GCN1: variants seen among roughly 807,000 people sequenced by gnomAD.
GCN1 encodes the protein stalled ribosome sensor GCN1.
A neutral mutation model predicts 288.4 loss-of-function variants in GCN1; 90 were observed. That is an observed-to-expected ratio of 0.31 (90% CI 0.26 to 0.37). GCN1 has a LOEUF of 0.37. Ranked by LOEUF, GCN1 falls within the 10% of genes least tolerant of loss-of-function variation. GCN1 has a pLI of 1.00. For missense variants in GCN1, 2,586 were observed against 3,419.9 expected (o/e 0.76, Z 6.08); for synonymous variants, 1,386 against 1,420.2 (o/e 0.98, Z 0.54).
intron 44 of GCN1, among the ~76,000 whole-genome samples, chr12:120,141,534 G>A (rs1489851642): frequency 6.6e-5 from 10 of 152,116 alleles, no homozygotes; most frequent in Non-Finnish European, 1.3e-4. Context: ...CCTCCTCCAG[G>A]CCCACTGATC....
In GCN1 at chr12:120,155,067, T is replaced by C. The variant is rs1445341311; in HGVS notation, c.3631-27A>G. 1.2e-6 allele frequency: 2 copies of C among 1,601,948 alleles called. No homozygotes were observed. The highest frequency in any genetic ancestry group is 1.7e-4 in the Middle Eastern group (1 of 6,046). Reference sequence around the variant, plus strand: ...TGCAACAGACAAGTTGGTAAATGCTTTGCAACGGGCAGATCAATGACCTGG... The same window carrying C: ...TGCAACAGACAAGTTGGTAAATGCTCTGCAACGGGCAGATCAATGACCTGG... On this transcript the variant is annotated intron_variant, in intron 30 of 57. Coordinates refer to ENST00000300648, the MANE Select transcript of GCN1 (RefSeq NM_006836.2). This position sits in a 1 kb window ranked among gnomAD's most constrained non-coding sequence, Gnocchi z 4.9.
intron 1 of GCN1, among the ~76,000 whole-genome samples, chr12:120,190,646 C>G (rs1452068160): frequency 6.6e-6 from 1 of 152,098 alleles, no homozygotes; most frequent in Admixed American, 6.6e-5. Context: ...GTGACATTGT[C>G]AAATGTCTCC....
chr12:120,180,364 C>T (rs1470364646), intron 5 of GCN1, among the ~76,000 whole-genome samples: 1 of 152,054 alleles, frequency 6.6e-6, no homozygotes, highest in Non-Finnish European at 1.5e-5. Flanking sequence ...CGCCTGTAAT[C>T]CCAACACTTT....
At chr12:120,174,212 CCA>C in intron 12 of GCN1, 43 bp from the exon 13 acceptor site, 1 of 1,139,254 alleles carries the variant, frequency 8.8e-7, no homozygotes, top group Non-Finnish European at 1.3e-6. Context: ...CAGCACAGAA[CCA>C]CAGAGGCAAG....
chr12:120,129,216 A>C, intron 57 of GCN1, 60 bp downstream of exon 57: 1 of 1,213,450 alleles, frequency 8.2e-7, no homozygotes, highest in East Asian at 2.3e-5. Context: ...TTCCATGCTG[A>C]AGAAGAGCTG....
At position 120,134,295 on chromosome 12, in the gene GCN1, T is replaced by A; in HGVS notation, c.7313A>T (p.Asp2438Val). Reference sequence around the variant, plus strand: ...TAGTCCTGCCTGCAGCCGTACCTCATCGTGTCCCAGCATGCTCAGCAGGAG... The same window carrying A: ...TAGTCCTGCCTGCAGCCGTACCTCAACGTGTCCCAGCATGCTCAGCAGGAG... ...VSLLLSMLGH[D>V]EDNTRISSAG... is the part of the protein sequence containing the mutation. The change falls in exon 53 of 58, where the codon GAT becomes GTT. Residue 2438 changes from aspartate (D) to valine (V), a missense_variant. Transcript: ENST00000300648. The surrounding 1 kb of genome is among the most constrained non-coding windows in gnomAD (Gnocchi z 5.0). The A allele has an allele frequency of 6.2e-7, 1 of 1,610,720 alleles. No individual in the cohort carries two copies. The highest frequency in any genetic ancestry group is 8.5e-7 in the Non-Finnish European group (1 of 1,177,070).
intron 5 of GCN1, 69 bp downstream of exon 5, chr12:120,183,500 G>T: frequency 1.0e-6 from 1 of 966,434 alleles, no homozygotes; most frequent in Non-Finnish European, 1.7e-6. Flanking sequence ...CACCAAGAAG[G>T]TGCTGAAACA....
chr12:120,192,095 ATAAT>A (rs1220996530), intron 1 of GCN1, among the ~76,000 whole-genome samples: 2 of 151,998 alleles, frequency 1.3e-5, no homozygotes, highest in African/African-American at 4.8e-5. Flanking sequence ...CCTGGTGTTA[ATAAT>A]TACCCTTTCC....
At chr12:120,129,167 A>C in intron 57 of GCN1, 109 bp downstream of exon 57, 1 of 889,438 alleles carries the variant, frequency 1.1e-6, no homozygotes, top group South Asian at 1.5e-5. Context: ...GAAAGCTAGC[A>C]CATCCGTGGT....
Position 120,158,349 on chromosome 12 carries a change from T to C in GCN1, c.2905+111A>G. 3 of 912,584 alleles carry C rather than the reference T, an allele frequency of 3.3e-6. No individual in the cohort carries two copies. The highest frequency in any genetic ancestry group is 5.3e-5 in the East Asian group (2 of 37,674). The allele number at this position is 912,584 out of a possible 1,614,324, so 56.5% of individuals were successfully genotyped here. A position where few individuals can be genotyped will look rare whatever the true frequency, so the allele number is the denominator to read the frequency against. On this transcript the variant is annotated intron_variant, in intron 25 of 57. Transcript: ENST00000300648. The surrounding 1 kb of genome is among the most constrained non-coding windows in gnomAD (Gnocchi z 4.3). The stretch of plus-strand genomic sequence containing the variant: ...GAAGGTTCAATTCAGAAATCCTCCA[T>C]ATGGTCCAATCCCCCAGGCTCAGGA...
At chr12:120,193,715 A>ACATTCAGCATGTATT (rs1476184200) in intron 1 of GCN1, among the ~76,000 whole-genome samples, 1 of 152,212 alleles carries the variant, frequency 6.6e-6, no homozygotes, top group African/African-American at 2.4e-5. Flanking sequence ...TCAATGTTAA[A>ACATTCAGCATGTATT]CATTCAGCAT....
At chr12:120,143,182 A>G (rs1056670536) in intron 42 of GCN1, among the ~76,000 whole-genome samples, 1 of 152,256 alleles carries the variant, frequency 6.6e-6, no homozygotes, top group African/African-American at 2.4e-5. Flanking sequence ...AAAAATTTCT[A>G]TAACAAAAGT....
chr12:120,173,756 C>T lies in GCN1; in HGVS notation c.1263G>A (p.Val421=), dbSNP rs1353193147. ...TGAACCATTCAGTGAGCTTCTTGGG[C>T]ACTTCCATAGTGAATCGGTTACACC... ...ALWCNRFTME[V]PKKLTEWFKK... The change falls in exon 14 of 58, where the codon GTG becomes GTA. Residue 421 remains valine (V), a synonymous_variant. Coordinates refer to ENST00000300648, the MANE Select transcript of GCN1 (RefSeq NM_006836.2). The T allele has an allele frequency of 6.2e-7, 1 of 1,613,376 alleles. No homozygotes were observed. Among genetic ancestry groups the T allele is most frequent in the Non-Finnish European group, 8.5e-7 (1 of 1,179,292 alleles).
chr12:120,180,448 C>A (rs529583710), intron 5 of GCN1, among the ~76,000 whole-genome samples: 3 of 149,942 alleles, frequency 2.0e-5, no homozygotes, highest in African/African-American at 4.9e-5. Flanking sequence ...AACCCTGTCG[C>A]TACTAAAAAT....
At chr12:120,161,024 CAGAG>C (rs1289310674) in intron 22 of GCN1, among the ~76,000 whole-genome samples, 2 of 152,186 alleles carry the variant, frequency 1.3e-5, no homozygotes, top group Non-Finnish European at 2.9e-5. Context: ...CTTGTAAAGA[CAGAG>C]AGAAGAGCAA....
chr12:120,168,296 G>C lies in GCN1; in HGVS notation c.1524C>G (p.Ala508=). 1 of 1,594,964 alleles carries C rather than the reference G, an allele frequency of 6.3e-7. No individual in the cohort carries two copies. The highest frequency in any genetic ancestry group is 2.2e-5 in the East Asian group (1 of 44,804). The change falls in exon 16 of 58, where the codon GCC becomes GCG. Residue 508 remains alanine (A), a synonymous_variant. Coordinates refer to ENST00000300648, the MANE Select transcript of GCN1 (RefSeq NM_006836.2). ...KLSVADSQAE[A]KLSSFWQLIV... ...TCAACTGCCAGAAACTGCTCAGTTT[G>C]GCCTCTGCAAGAAACAAAAGGTTAC...
intron 16 of GCN1, 73 bp downstream of exon 16, chr12:120,168,135 A>G (rs2139122916): frequency 1.1e-6 from 1 of 931,472 alleles, no homozygotes; most frequent in East Asian, 2.4e-5. Context: ...TGGTCAAGAA[A>G]GGGTCCTCTC....
intron 54 of GCN1, 143 bp from the exon 55 acceptor site, chr12:120,131,476 T>C: frequency 1.4e-6 from 1 of 735,732 alleles, no homozygotes; most frequent in Non-Finnish European, 2.2e-6. Flanking sequence ...CACATGGACC[T>C]CCCTGCTATC....
At chr12:120,180,991 CA>C (rs35885269) in intron 5 of GCN1, among the ~76,000 whole-genome samples, 176 of 103,554 alleles carry the variant, frequency 1.7e-3, no homozygotes, top group Admixed American at 1.9e-3. Context: ...GACTCCGTCT[CA>C]AAAAAAAAAA....
Sources: allele counts gnomAD v4.1 joint callset (sites outside exome capture counted in the v4.1 genomes callset), GRCh38; gene constraint gnomAD v4.1.1; non-coding constraint Gnocchi (gnomAD v3.1); transcripts MANE v1.5; gene names NCBI Gene and HGNC (gene_info 2026-07-23, HGNC 2026-07-21).